FBRSL1: variants seen among roughly 807,000 people sequenced by gnomAD.
The protein encoded by FBRSL1 is fibrosin-1-like protein.
In FBRSL1, 51 loss-of-function variants were observed where a neutral mutation model predicts 89.6. That is an observed-to-expected ratio of 0.57 (90% confidence interval 0.45 to 0.72). The LOEUF (loss-of-function observed/expected upper bound fraction) is 0.72, where lower values mean the gene tolerates loss of function less well. Ranked by LOEUF, FBRSL1 falls within the 30% of genes least tolerant of loss-of-function variation. The pLI is 0.00. For synonymous variants in FBRSL1, 779 were observed against 681.1 expected (o/e 1.14, Z -2.24); for missense variants, 1,618 against 1,451.8 (o/e 1.11, Z -1.86).
intron 5 of FBRSL1, 99 bp downstream of exon 5, chr12:132,548,131 C>G (rs576993256): frequency 1.4e-6 from 2 of 1,436,628 alleles, no homozygotes; most frequent in Admixed American, 4.0e-5. Context: ...GGCAGAAGAT[C>G]GGGCCTTGGG....
chr12:132,531,969 G>A (rs76734539), intron 4 of FBRSL1, among the ~76,000 whole-genome samples: 15,436 of 152,294 alleles, frequency 0.1, 967 homozygotes, highest in Non-Finnish European at 0.15. Flanking sequence ...GTGCTGTAAG[G>A]TAGAGTTGCT....
At chr12:132,580,667 A>AGG (rs2040682953) in intron 15 of FBRSL1, 3 of 543,432 alleles carry the variant, frequency 5.5e-6, no homozygotes, top group Non-Finnish European at 7.0e-6. Flanking sequence ...AGTGGAGACC[A>AGG]GAAGCTCTGA....
At chr12:132,568,970 G>T (rs1344254403) in intron 6 of FBRSL1, among the ~76,000 whole-genome samples, 1 of 152,100 alleles carries the variant, frequency 6.6e-6, no homozygotes, top group Non-Finnish European at 1.5e-5. Context: ...GTCCCCATGG[G>T]CCATGGCTCA....
At position 132,569,971 on chromosome 12, in the gene FBRSL1, A is replaced by G. The variant is rs1421246057; in HGVS notation, c.737A>G (p.Lys246Arg). 4.8e-6 allele frequency: 7 copies of G among 1,454,926 alleles called. No individual in the cohort carries two copies. The highest frequency in any genetic ancestry group is 1.4e-5 in the South Asian group (1 of 72,472). 90.1% of individuals were successfully genotyped at this position (1,454,926 alleles called of 1,614,324 possible). ...GAGGCCAAGGCCGGGCCGGTGCCCA[A>G]GGTGTCAGGCCTGGAGCGCAGCCGC... is the stretch of plus-strand genomic sequence containing the variant. ...KSEAKAGPVP[K>R]VSGLERSREL... The change falls in exon 7 of 19, where the codon AAG (lysine) becomes AGG (arginine). Residue 246 changes from lysine (K) to arginine (R), a missense_variant. Physicochemically the swap from Lys to Arg is conservative, Grantham distance 26. Transcript: ENST00000680143.
intron 5 of FBRSL1, among the ~76,000 whole-genome samples, chr12:132,563,630 A>G (rs2039330503): frequency 1.3e-5 from 2 of 152,002 alleles, no homozygotes; most frequent in Non-Finnish European, 2.9e-5. Flanking sequence ...CTGGCAGTAA[A>G]ATTCACCTAT....
intron 2 of FBRSL1, among the ~76,000 whole-genome samples, chr12:132,516,583 G>A (rs1159467755): frequency 6.6e-6 from 1 of 152,194 alleles, no homozygotes; most frequent in African/African-American, 2.4e-5. Flanking sequence ...GCACCCTGTC[G>A]CCAGCCTAGC....
chr12:132,574,286 C>T (rs1251653632), intron 12 of FBRSL1, 33 bp from the exon 13 acceptor site: 4 of 1,508,594 alleles, frequency 2.7e-6, no homozygotes, highest in East Asian at 4.9e-5. Flanking sequence ...TCCTGAGGGG[C>T]CCGGACCTCA....
At chr12:132,548,880 A>T (rs1364697834) in intron 5 of FBRSL1, among the ~76,000 whole-genome samples, 1 of 152,188 alleles carries the variant, frequency 6.6e-6, no homozygotes, top group African/African-American at 2.4e-5. Context: ...CATGTGTGCG[A>T]CGATTCTCGC....
intron 4 of FBRSL1, among the ~76,000 whole-genome samples, chr12:132,547,227 G>A (rs1254930331): frequency 4.1e-5 from 6 of 147,816 alleles, no homozygotes; most frequent in African/African-American, 1.3e-4. Context: ...TGTGTTCTTC[G>A]TAGGGCTCTG....
At chr12:132,491,924 A>G (rs1010954413) in intron 1 of FBRSL1, among the ~76,000 whole-genome samples, 1 of 152,220 alleles carries the variant, frequency 6.6e-6, no homozygotes, top group Non-Finnish European at 1.5e-5. Context: ...CTGTGGGCCC[A>G]GGACGGGGTG....
chr12:132,565,789 C>T (rs2039570628), intron 5 of FBRSL1: 1 of 152,352 alleles, frequency 6.6e-6, no homozygotes, highest in Non-Finnish European at 1.5e-5. Flanking sequence ...TGTGGGTGAA[C>T]GTCAAAAGCC....
intron 5 of FBRSL1, among the ~76,000 whole-genome samples, chr12:132,564,041 C>T (rs918186731): frequency 2.3e-4 from 35 of 152,340 alleles, no homozygotes; most frequent in Non-Finnish European, 4.3e-4. Context: ...CACGGTCACA[C>T]GGCTGCGTGC....
Position 132,581,257 on chromosome 12 carries a change from C to T in FBRSL1, c.1835-182C>T, listed in dbSNP as rs1593607010. On this transcript the variant is annotated intron_variant, in intron 15 of 18. Transcript: ENST00000680143. ...CTGCGGCTCCAAGTCAAACCTCCTC[C>T]GAATTGTGGGGTAGATTCCACCTCT... 1.1e-5 allele frequency: 11 copies of T among 982,628 alleles called. No individual in the cohort carries two copies. The South Asian group carries it at 2.4e-4, about 21-fold the overall frequency. 60.9% of individuals were successfully genotyped at this position (982,628 alleles called of 1,614,324 possible). A position where few individuals can be genotyped will look rare whatever the true frequency, so the allele number is the denominator to read the frequency against.
intron 1 of FBRSL1, among the ~76,000 whole-genome samples, chr12:132,500,510 C>A (rs2032794547): frequency 6.6e-6 from 1 of 152,168 alleles, no homozygotes; most frequent in South Asian, 2.1e-4. Context: ...GCCAGCCGGT[C>A]CTGCTGTGTG....
At chr12:132,545,302 C>T (rs1022741345) in intron 4 of FBRSL1, among the ~76,000 whole-genome samples, 4 of 152,234 alleles carry the variant, frequency 2.6e-5, no homozygotes, top group African/African-American at 4.8e-5. Context: ...TCGCCTCACT[C>T]GGGCAGCTTC....
intron 2 of FBRSL1, among the ~76,000 whole-genome samples, chr12:132,517,629 C>T (rs765820456): frequency 5.9e-5 from 9 of 152,170 alleles, no homozygotes; most frequent in Admixed American, 1.3e-4. Flanking sequence ...TTAGACCAGG[C>T]GGTCAGGGAA....
intron 1 of FBRSL1, among the ~76,000 whole-genome samples, chr12:132,501,921 C>T (rs541276736): frequency 8.1e-4 from 123 of 152,354 alleles, no homozygotes; most frequent in African/African-American, 2.9e-3. Context: ...CTCACCTGCC[C>T]GGTGTCTCCA....
At chr12:132,506,977 G>A (rs530989824) in intron 1 of FBRSL1, 163 of 156,222 alleles carry the variant, frequency 1.0e-3, no homozygotes, top group Admixed American at 1.6e-3. Context: ...GCTCAGACTG[G>A]TGGGGGTGGC....
Position 132,571,059 on chromosome 12 carries a change from T to C in FBRSL1, c.1214-9T>C, listed in dbSNP as rs2039977697. On this transcript the variant is annotated splice_polypyrimidine_tract_variant and intron_variant, in intron 8 of 18. Transcript: ENST00000680143. ...GGGAGGGGCTCACCGTGTTCTCTCT[T>C]GCCTCTAGATGCCAGCCTGGCGGTC... 1 of 1,335,808 alleles carries C rather than the reference T, an allele frequency of 7.5e-7. No individual in the cohort carries two copies. Among genetic ancestry groups the C allele is most frequent in the Non-Finnish European group, 9.6e-7 (1 of 1,046,026 alleles). 82.7% of individuals were successfully genotyped at this position (1,335,808 alleles called of 1,614,324 possible).
Sources: gnomAD v4.1 joint callset for allele counts (sites outside exome capture counted in the v4.1 genomes callset) on GRCh38, gnomAD v4.1.1 for gene constraint, MANE v1.5 for transcripts, NCBI Gene and HGNC (gene_info 2026-07-23, HGNC 2026-07-21) for gene names.